RBMS3: variants seen among roughly 807,000 people sequenced by gnomAD.
RBMS3 encodes the protein RNA-binding motif, single-stranded-interacting protein 3.
Under a neutral mutation model 66.8 loss-of-function variants are expected in RBMS3, and 27 were observed. The ratio of observed to expected loss-of-function variants is 0.40; its 90% confidence interval spans 0.30 to 0.56. The LOEUF is 0.56. Among genes scored for constraint, RBMS3 ranks in the 20% least tolerant of loss-of-function variants. The pLI is 0.40. For synonymous variants in RBMS3, 188 were observed against 183.0 expected (o/e 1.03, Z -0.22); for missense variants, 513 against 549.5 (o/e 0.93, Z 0.66).
chr3:29,659,893 T>G (rs7433660), intron 4 of RBMS3, among the ~76,000 whole-genome samples: 30,517 of 152,160 alleles, frequency 0.2, 3,226 homozygotes, highest in East Asian at 0.31. Context: ...TCATCAACAC[T>G]TATTACCTTC....
chr3:29,431,257 A>G lies in RBMS3; in HGVS notation c.76-3486A>G, dbSNP rs115466812. ...AAAATGTTGATACTAAAGCAATACT[A>G]AAGAATAGTTGAGAAAAATGTTTCT... On this transcript the variant is annotated intron_variant, in intron 1 of 14. Coordinates refer to ENST00000383767, the MANE Select transcript of RBMS3 (RefSeq NM_001003793.3). 4.9e-3 allele frequency among the ~76,000 whole-genome samples: 741 copies of G among 151,928 alleles called. 10 individuals are homozygous for G. Among genetic ancestry groups the G allele is most frequent in the African/African-American group, 0.017 (692 of 41,432 alleles).
chr3:29,570,361 A>C (rs887300042), intron 3 of RBMS3, among the ~76,000 whole-genome samples: 2 of 152,094 alleles, frequency 1.3e-5, no homozygotes, highest in Non-Finnish European at 2.9e-5. Context: ...AAAATGTACA[A>C]TTAAATTATT....
At chr3:29,798,881 C>T (rs928579602) in intron 6 of RBMS3, among the ~76,000 whole-genome samples, 23 of 150,374 alleles carry the variant, frequency 1.5e-4, no homozygotes, top group East Asian at 1.9e-4. Context: ...TCATTTTATA[C>T]ACCCAAGTTC....
At chr3:29,423,106 G>A (rs971227765) in intron 1 of RBMS3, among the ~76,000 whole-genome samples, 1 of 152,164 alleles carries the variant, frequency 6.6e-6, no homozygotes, top group African/African-American at 2.4e-5. Context: ...TTGGTAGCAT[G>A]TGTGTTACAT....
intron 7 of RBMS3, among the ~76,000 whole-genome samples, chr3:29,870,891 C>A (rs969803190): frequency 3.3e-5 from 5 of 151,912 alleles, no homozygotes; most frequent in African/African-American, 1.2e-4. Flanking sequence ...AGATAGCATG[C>A]CCTAGAAATA....
At chr3:29,808,358 G>A (rs976900484) in intron 6 of RBMS3, among the ~76,000 whole-genome samples, 1 of 151,802 alleles carries the variant, frequency 6.6e-6, no homozygotes, top group African/African-American at 2.4e-5. Context: ...GCCTATTAAT[G>A]TATCTAATGT....
At chr3:29,326,007 G>A (rs1007323587) in intron 1 of RBMS3, among the ~76,000 whole-genome samples, 4 of 152,000 alleles carry the variant, frequency 2.6e-5, no homozygotes, top group Non-Finnish European at 5.9e-5. Flanking sequence ...TTCCATCCTT[G>A]CTTTATTAAC....
At chr3:29,993,600 A>G (rs1297802519) in intron 14 of RBMS3, among the ~76,000 whole-genome samples, 4 of 152,196 alleles carry the variant, frequency 2.6e-5, no homozygotes, top group Non-Finnish European at 5.9e-5. Flanking sequence ...CCCTGAATAG[A>G]GCAAAAAGAT....
At chr3:29,664,011 T>C (rs1356754350) in intron 4 of RBMS3, among the ~76,000 whole-genome samples, 6 of 152,214 alleles carry the variant, frequency 3.9e-5, no homozygotes. Flanking sequence ...GTTTTCTGAA[T>C]ACTATCATTG....
chr3:29,577,436 C>A (rs1033301016), intron 3 of RBMS3, among the ~76,000 whole-genome samples: 2 of 152,164 alleles, frequency 1.3e-5, no homozygotes, highest in Non-Finnish European at 2.9e-5. Flanking sequence ...TCATGCCATG[C>A]CACCCTAGTC....
intron 4 of RBMS3, among the ~76,000 whole-genome samples, chr3:29,689,691 C>G (rs1468733493): frequency 6.6e-6 from 1 of 151,874 alleles, no homozygotes; most frequent in South Asian, 2.1e-4. Context: ...ATTATTTTTT[C>G]TCAGTTATTA....
intron 1 of RBMS3, among the ~76,000 whole-genome samples, chr3:29,289,520 T>C (rs2032645201): frequency 6.6e-6 from 1 of 151,866 alleles, no homozygotes; most frequent in Non-Finnish European, 1.5e-5. Flanking sequence ...GTTAACTATG[T>C]TCCTAATATT....
chr3:29,653,170 T>A (rs2050202770), intron 4 of RBMS3, among the ~76,000 whole-genome samples: 2 of 152,114 alleles, frequency 1.3e-5, no homozygotes, highest in Non-Finnish European at 2.9e-5. Flanking sequence ...TTTAGATCAA[T>A]ACAAATTTAG....
At chr3:29,770,122 T>G (rs1484997323) in intron 6 of RBMS3, among the ~76,000 whole-genome samples, 13 of 151,948 alleles carry the variant, frequency 8.6e-5, no homozygotes, top group African/African-American at 2.7e-4. Flanking sequence ...GCAAATGGTC[T>G]TGCCTAATTA....
chr3:29,403,071 T>G (rs1435895867), intron 1 of RBMS3, among the ~76,000 whole-genome samples: 1 of 151,768 alleles, frequency 6.6e-6, no homozygotes, highest in African/African-American at 2.4e-5. Flanking sequence ...GATGTGGGGC[T>G]GAGCTGCTGG....
intron 4 of RBMS3, among the ~76,000 whole-genome samples, chr3:29,699,842 C>A (rs2052469675): frequency 1.3e-5 from 2 of 152,186 alleles, no homozygotes; most frequent in African/African-American, 4.8e-5. Flanking sequence ...GTCTGTGTAA[C>A]CTCCTTCAGA....
At chr3:29,397,906 G>A (rs2039629763) in intron 1 of RBMS3, among the ~76,000 whole-genome samples, 1 of 152,062 alleles carries the variant, frequency 6.6e-6, no homozygotes, top group Non-Finnish European at 1.5e-5. Flanking sequence ...TAGCCATAGG[G>A]TCTCGATCTC....
intron 4 of RBMS3, among the ~76,000 whole-genome samples, chr3:29,731,339 A>G (rs1358305599): frequency 6.6e-6 from 1 of 152,172 alleles, no homozygotes; most frequent in African/African-American, 2.4e-5. Context: ...ATCTTAGGGA[A>G]ATTGTTCTTA....
In RBMS3 at chr3:29,864,825, AGGGAAG is replaced by A. The variant is rs776252378; in HGVS notation, c.638-4030_638-4025del. On this transcript the variant is annotated intron_variant, in intron 6 of 14. Coordinates refer to ENST00000383767, the MANE Select transcript of RBMS3 (RefSeq NM_001003793.3). ...AAATGTAAAAGAAAGGAAGGAAGGA[AGGGAAG>A]GGAAGGGAAGGGAAGGGAAAGGGAA... is the stretch of plus-strand genomic sequence containing the variant. Among the ~76,000 whole-genome samples, 58 of 124,494 alleles carry A rather than the reference AGGGAAG, an allele frequency of 4.7e-4. No homozygotes were observed. The East Asian group carries it at 5.4e-3, about 12-fold the overall frequency. The allele number at this position is 124,494 out of a possible 152,430, so 81.7% of individuals were successfully genotyped here. A position where few individuals can be genotyped will look rare whatever the true frequency, so the allele number is the denominator to read the frequency against.
Sources: allele counts gnomAD v4.1 joint callset (sites outside exome capture counted in the v4.1 genomes callset), GRCh38; gene constraint gnomAD v4.1.1; transcripts MANE v1.5; gene names NCBI Gene and HGNC (gene_info 2026-07-23, HGNC 2026-07-21).